The following CLUAP1 variants were observed in gnomAD, a reference collection of about 807,000 sequenced individuals.
CLUAP1 encodes the protein clusterin-associated protein 1.
Under a neutral mutation model 55.0 loss-of-function variants are expected in CLUAP1, and 50 were observed. The ratio of observed to expected loss-of-function variants is 0.91; its 90% CI spans 0.72 to 1.15. The LOEUF is 1.15. Among genes scored for constraint, CLUAP1 ranks in the 50% most tolerant of loss-of-function variants. The pLI is 0.00. For synonymous variants in CLUAP1, 195 were observed against 175.4 expected (o/e 1.11, Z -0.88); for missense variants, 530 against 507.6 (o/e 1.04, Z -0.42).
intron 1 of CLUAP1, among the ~76,000 whole-genome samples, chr16:3,503,332 T>A (rs1567420767): frequency 6.6e-6 from 1 of 152,204 alleles, no homozygotes; most frequent in Non-Finnish European, 1.5e-5. Flanking sequence ...CTGGCTAATT[T>A]TTTTGTATTT....
At chr16:3,512,703 C>A (rs539403063) in intron 5 of CLUAP1, among the ~76,000 whole-genome samples, 34 of 152,104 alleles carry the variant, frequency 2.2e-4, no homozygotes, top group Non-Finnish European at 4.7e-4. Flanking sequence ...ATTTTTGAGA[C>A]GGAGTCTCGC....
At chr16:3,517,417 G>A (rs999749556) in intron 6 of CLUAP1, among the ~76,000 whole-genome samples, 1 of 151,654 alleles carries the variant, frequency 6.6e-6, no homozygotes, top group Non-Finnish European at 1.5e-5. Flanking sequence ...AGCAATTCTC[G>A]TGCCTCAACC....
At chr16:3,523,021 A>G (rs2037871105) in intron 7 of CLUAP1, 137 bp from the exon 8 acceptor site, 2 of 553,200 alleles carry the variant, frequency 3.6e-6, no homozygotes, top group African/African-American at 3.9e-5. Context: ...AATATTTTTA[A>G]GCATTACAAG....
chr16:3,524,896 C>T (rs1177580666), intron 8 of CLUAP1, among the ~76,000 whole-genome samples: 2 of 152,204 alleles, frequency 1.3e-5, no homozygotes, highest in Non-Finnish European at 2.9e-5. Context: ...CTATCCTTAA[C>T]CTGAGAATGG....
chr16:3,506,066 C>T (rs141971025), intron 2 of CLUAP1, among the ~76,000 whole-genome samples: 70 of 152,314 alleles, frequency 4.6e-4, no homozygotes, highest in Admixed American at 1.6e-3. Context: ...TTCTGATTAG[C>T]TTCATGACAT....
rs2038264740 is a variant in CLUAP1 at position 3,537,926 on chromosome 16, G to A, written c.*1655G>A. 6.7e-6 allele frequency: 1 copy of A among 148,312 alleles called. No individual in the cohort carries two copies. Among genetic ancestry groups the A allele is most frequent in the African/African-American group, 2.5e-5 (1 of 40,228 alleles). 9.2% of individuals were successfully genotyped at this position (148,312 alleles called of 1,614,324 possible). On this transcript the variant is annotated 3_prime_UTR_variant, in exon 12 of 12. Coordinates refer to ENST00000576634, the MANE Select transcript of CLUAP1 (RefSeq NM_015041.3). ...AGGCAGGAGAATCGCTTGAACCTAG[G>A]AGGCGGAGGTTGCAGTGAGCCGAGA...
chr16:3,523,198 T>C lies in CLUAP1; in HGVS notation c.754T>C (p.Leu252=). 1 of 1,613,552 alleles carries C rather than the reference T, an allele frequency of 6.2e-7. No individual in the cohort carries two copies. The highest frequency in any genetic ancestry group is 8.5e-7 in the Non-Finnish European group (1 of 1,179,828). ...MDEYEKTEEE[L]QKQYDTYLEK... ...TGAGTATGAGAAGACTGAGGAAGAA[T>C]TACAAAAGCAGTATGACACTTATCT... is the stretch of plus-strand genomic sequence containing the variant. The change falls in exon 8 of 12, where the codon TTA becomes CTA. Residue 252 remains leucine (L), a synonymous_variant. Transcript: ENST00000576634.
chr16:3,501,916 A>C (rs1205554948), intron 1 of CLUAP1: 1 of 152,144 alleles, frequency 6.6e-6, no homozygotes, highest in Non-Finnish European at 1.5e-5. Context: ...CATTTTAATC[A>C]TCTGAACAAC....
intron 9 of CLUAP1, 85 bp downstream of exon 9, chr16:3,526,569 T>A (rs111228808): frequency 1.7e-4 from 125 of 725,732 alleles, no homozygotes; most frequent in African/African-American, 6.7e-4. Flanking sequence ...ATATATATAT[T>A]TTTTAATATG....
chr16:3,517,950 C>G (rs1052357413), intron 6 of CLUAP1, among the ~76,000 whole-genome samples: 6 of 152,146 alleles, frequency 3.9e-5, no homozygotes, highest in African/African-American at 1.4e-4. Flanking sequence ...CAGCTCCTAT[C>G]TGCTGTTGGG....
Position 3,508,291 on chromosome 16 carries a change from C to T in CLUAP1, c.222C>T (p.Ala74=). 6.3e-7 allele frequency: 1 copy of T among 1,588,794 alleles called. No homozygotes were observed. The highest frequency in any genetic ancestry group is 8.5e-7 in the Non-Finnish European group (1 of 1,173,518). Residue 74 remains alanine (A), a splice_region_variant and synonymous_variant, in exon 4 of 12, where the codon GCC becomes GCT. Coordinates refer to ENST00000576634, the MANE Select transcript of CLUAP1 (RefSeq NM_015041.3). ...FFIKAIAQFM[A]TKAHIKLNTK... The stretch of plus-strand genomic sequence containing the variant: ...TTTTTTTTTTGGTCTAAAAATAGGC[C>T]ACCAAGGCACATATAAAACTCAACA...
Position 3,512,484 on chromosome 16 carries a change from C to T in CLUAP1, c.495+6C>T. The T allele has an allele frequency of 1.3e-6, 2 of 1,598,370 alleles. No individual in the cohort carries two copies. The highest frequency in any genetic ancestry group is 1.7e-6 in the Non-Finnish European group (2 of 1,165,704). On this transcript the variant is annotated splice_donor_region_variant and intron_variant, in intron 5 of 11. Coordinates refer to ENST00000576634, the MANE Select transcript of CLUAP1 (RefSeq NM_015041.3). ...GCATGGAAGTAGAGTTGAGGGTAAG[C>T]ATTCCAGTACTTCCTTAACCATGCA... is the stretch of plus-strand genomic sequence containing the variant.
intron 10 of CLUAP1, among the ~76,000 whole-genome samples, chr16:3,532,150 T>G (rs2038134225): frequency 6.6e-6 from 1 of 152,136 alleles, no homozygotes; most frequent in African/African-American, 2.4e-5. Context: ...GCCCCCTACT[T>G]TTTAATGGCT....
chr16:3,509,976 A>G (rs1194346022), intron 4 of CLUAP1: 1 of 143,182 alleles, frequency 7.0e-6, no homozygotes, highest in Admixed American at 7.0e-5. Context: ...ACAGGTACAC[A>G]CCACCATGCC....
At chr16:3,531,022 TA>T (rs1265317165) in intron 10 of CLUAP1, among the ~76,000 whole-genome samples, 4 of 152,158 alleles carry the variant, frequency 2.6e-5, no homozygotes, top group African/African-American at 7.2e-5. Flanking sequence ...ATCTCTGCCT[TA>T]AAAAAAGTTC....
chr16:3,506,570 A>G (rs1325658499), intron 3 of CLUAP1, among the ~76,000 whole-genome samples, 155 bp downstream of exon 3: 1 of 151,992 alleles, frequency 6.6e-6, no homozygotes, highest in Admixed American at 6.6e-5. Context: ...GTGCAGTGGC[A>G]CAATCTTGGC....
chr16:3,509,074 TAGTG>T (rs1019163334), intron 4 of CLUAP1, among the ~76,000 whole-genome samples: 3 of 151,710 alleles, frequency 2.0e-5, no homozygotes, highest in Non-Finnish European at 4.4e-5. Flanking sequence ...CTGGGCAACA[TAGTG>T]AGACGCCATT....
chr16:3,499,816 C>T (rs905858748), upstream of CLUAP1, among the ~76,000 whole-genome samples: 3 of 152,184 alleles, frequency 2.0e-5, no homozygotes, highest in Non-Finnish European at 2.9e-5. Context: ...ACCAACGGAC[C>T]AGACCAAACC....
chr16:3,516,001 C>T (rs1308938865), intron 6 of CLUAP1, among the ~76,000 whole-genome samples: 1 of 152,200 alleles, frequency 6.6e-6, no homozygotes, highest in Non-Finnish European at 1.5e-5. Context: ...CAGTTATCCT[C>T]TCATCTAAAG....
Sources: allele counts gnomAD v4.1 joint callset (sites outside exome capture counted in the v4.1 genomes callset), GRCh38; gene constraint gnomAD v4.1.1; transcripts MANE v1.5; gene names NCBI Gene and HGNC (gene_info 2026-07-23, HGNC 2026-07-21).